The following BRDT variants were observed in gnomAD, a reference collection of about 807,000 sequenced individuals.
The protein encoded by BRDT is bromodomain testis associated, also known as bromodomain testis-specific protein.
In BRDT, 77 loss-of-function variants were observed where a neutral mutation model predicts 113.9. The ratio of observed to expected loss-of-function variants is 0.68; its 90% CI spans 0.56 to 0.82. BRDT has a LOEUF of 0.82. BRDT is among the 40% of genes least tolerant of loss of function. The pLI is 0.00. For synonymous variants in BRDT, 358 were observed against 366.5 expected, an observed-to-expected ratio of 0.98 and a Z score of 0.26; for missense variants, 1,027 against 1,105.4, an observed-to-expected ratio of 0.93 and a Z score of 1.01.
intron 15 of BRDT, among the ~76,000 whole-genome samples, chr1:91,998,284 C>T (rs137922041): frequency 0.067 from 10,165 of 152,072 alleles, 396 homozygotes; most frequent in African/African-American, 0.096. Context: ...CATGTTCTCA[C>T]TCATAAGTGG....
At chr1:92,003,604 T>A (rs1005973309) in intron 16 of BRDT, among the ~76,000 whole-genome samples, 2 of 152,196 alleles carry the variant, frequency 1.3e-5, no homozygotes, top group African/African-American at 4.8e-5. Context: ...TTAGATGTGT[T>A]TGGAACAGTT....
intron 14 of BRDT, among the ~76,000 whole-genome samples, chr1:91,993,447 T>C (rs948271256): frequency 1.2e-4 from 19 of 152,292 alleles, no homozygotes; most frequent in Middle Eastern, 3.4e-3. Context: ...AGATAAAAAT[T>C]ATACCTAACT....
intron 3 of BRDT, 136 bp downstream of exon 3, chr1:91,964,900 TG>T: frequency 2.9e-5 from 14 of 476,702 alleles, no homozygotes; most frequent in Non-Finnish European, 3.6e-5. Flanking sequence ...TGTGTGTGTG[TG>T]TGTATATAAT....
In BRDT at chr1:92,001,631, G is replaced by T. The variant is rs529627279; in HGVS notation, c.2288-418G>T. Among the ~76,000 whole-genome samples the T allele has an allele frequency of 8.5e-5, 13 of 152,242 alleles. No homozygotes were observed. In the South Asian group the frequency reaches 2.3e-3, roughly 27 times the overall value. ...GAATTGCTTGAACCTTGGAGGTGGA[G>T]GTTGCAGTGAGCCAAGATTGCACCA... On this transcript the variant is annotated intron_variant, in intron 15 of 18. Transcript: ENST00000399546.
At chr1:92,002,889 T>G (rs1295672114) in intron 16 of BRDT, among the ~76,000 whole-genome samples, 1 of 152,210 alleles carries the variant, frequency 6.6e-6, no homozygotes, top group Non-Finnish European at 1.5e-5. Context: ...TTAAGATACA[T>G]AAGGTACTGT....
intron 4 of BRDT, among the ~76,000 whole-genome samples, chr1:91,973,580 G>A (rs1370479706): frequency 6.6e-6 from 1 of 152,132 alleles, no homozygotes; most frequent in African/African-American, 2.4e-5. Context: ...TTGGCTGTTT[G>A]TCTGTTATTG....
chr1:91,989,633 T>G (rs1685590591), intron 12 of BRDT, among the ~76,000 whole-genome samples: 1 of 152,206 alleles, frequency 6.6e-6, no homozygotes, highest in African/African-American at 2.4e-5. Flanking sequence ...AGTGCTGGGA[T>G]TACAGGCATG....
In BRDT at chr1:91,962,737, G is replaced by T; in HGVS notation, c.-18G>T. On this transcript the variant is annotated 5_prime_UTR_variant, in exon 2 of 19. Transcript: ENST00000399546. ...TTTCAGGACATGTACTTGTAGACAG[G>T]ATTCAAAGCAGTTAAGAATGTCTCT... The T allele has an allele frequency of 3.2e-6, 5 of 1,556,360 alleles. No individual in the cohort carries two copies. Among genetic ancestry groups the T allele is most frequent in the Non-Finnish European group, 2.6e-6 (3 of 1,154,608 alleles).
rs773532667 is a variant in BRDT at position 92,002,073 on chromosome 1, G to C, written c.2312G>C (p.Gly771Ala). ...GGTGATTCTGAACAGCTCTCAAATGGCATAACTGTGATGCATCCATCTGGT... is the reference window on the plus strand; with the variant it reads ...GGTGATTCTGAACAGCTCTCAAATGCCATAACTGTGATGCATCCATCTGGT... ...PSGDSEQLSN[G>A]ITVMHPSGDS... The change falls in exon 16 of 19, where the codon GGC (glycine) becomes GCC (alanine). Residue 771 changes from glycine (G) to alanine (A), a missense_variant. Physicochemically the swap from Gly to Ala is moderately conservative, Grantham distance 60. Coordinates refer to ENST00000399546, the MANE Select transcript of BRDT (RefSeq NM_207189.4). The C allele has an allele frequency of 5.6e-6, 9 of 1,613,342 alleles. No individual in the cohort carries two copies. The highest frequency in any genetic ancestry group is 7.6e-6 in the Non-Finnish European group (9 of 1,179,518).
In BRDT at chr1:92,002,075, A is replaced by G; in HGVS notation, c.2314A>G (p.Ile772Val). 1 of 1,613,862 alleles carries G rather than the reference A, an allele frequency of 6.2e-7. No homozygotes were observed. The highest frequency in any genetic ancestry group is 8.5e-7 in the Non-Finnish European group (1 of 1,179,738). ...TGATTCTGAACAGCTCTCAAATGGCATAACTGTGATGCATCCATCTGGTGA... is the reference window on the plus strand; with the variant it reads ...TGATTCTGAACAGCTCTCAAATGGCGTAACTGTGATGCATCCATCTGGTGA... ...SGDSEQLSNG[I>V]TVMHPSGDSD... is the part of the protein sequence containing the mutation. Residue 772 changes from isoleucine to valine, a missense_variant, in exon 16 of 19, where the codon ATA becomes GTA. By Grantham distance (29) the Ile-to-Val change is conservative. Transcript: ENST00000399546.
At chr1:91,997,723 A>G (rs982718269) in intron 15 of BRDT, among the ~76,000 whole-genome samples, 1 of 152,244 alleles carries the variant, frequency 6.6e-6, no homozygotes, top group African/African-American at 2.4e-5. Flanking sequence ...TATATAAAGG[A>G]AAGTTTGGAT....
intron 4 of BRDT, among the ~76,000 whole-genome samples, chr1:91,968,608 T>C (rs1325760703): frequency 6.6e-6 from 1 of 152,130 alleles, no homozygotes; most frequent in Non-Finnish European, 1.5e-5. Context: ...GTGCTCTCTG[T>C]ATTAAAAAAA....
chr1:91,990,298 G>T (rs1208976651), intron 12 of BRDT, among the ~76,000 whole-genome samples: 3 of 152,156 alleles, frequency 2.0e-5, no homozygotes, highest in African/African-American at 2.4e-5. Context: ...CTGCCAAATA[G>T]CTTAGAAGTA....
At position 91,981,173 on chromosome 1, in the gene BRDT, C is replaced by A. The variant is rs778326743; in HGVS notation, c.1745C>A (p.Pro582His). The A allele has an allele frequency of 6.2e-7, 1 of 1,608,348 alleles. No individual in the cohort carries two copies. The highest frequency in any genetic ancestry group is 8.5e-7 in the Non-Finnish European group (1 of 1,178,164). The change falls in exon 10 of 19, where the codon CCT becomes CAT. Residue 582 changes from proline (P) to histidine (H), a missense_variant. Coordinates refer to ENST00000399546, the MANE Select transcript of BRDT (RefSeq NM_207189.4). ...TGTCTAAGAAAGAGACCATTAAAACCTCCTGGTATGTATTTCTGCATATTA... is the reference window on the plus strand; with the variant it reads ...TGTCTAAGAAAGAGACCATTAAAACATCCTGGTATGTATTTCTGCATATTA... Reference protein sequence around the residue: ...SACLRKRPLKPPAKKIMMSKE... With the variant: ...SACLRKRPLKHPAKKIMMSKE...
chr1:91,953,616 G>T (rs1005231508), intron 1 of BRDT, among the ~76,000 whole-genome samples: 1 of 152,160 alleles, frequency 6.6e-6, no homozygotes, highest in African/African-American at 2.4e-5. Context: ...GGAGGCAGAG[G>T]TTCCAGTGAG....
chr1:91,954,474 C>T (rs1260450545), intron 1 of BRDT, among the ~76,000 whole-genome samples: 1 of 151,954 alleles, frequency 6.6e-6, no homozygotes, highest in Non-Finnish European at 1.5e-5. Context: ...GACACAAGAT[C>T]TCACTCTGTT....
At chr1:91,952,421 C>T (rs1681196622) in intron 1 of BRDT, among the ~76,000 whole-genome samples, 2 of 152,058 alleles carry the variant, frequency 1.3e-5, no homozygotes. Context: ...GGCAGGTGCA[C>T]TGGCCAGAAA....
intron 12 of BRDT, among the ~76,000 whole-genome samples, chr1:91,990,954 C>T (rs892855734): frequency 3.9e-5 from 6 of 152,108 alleles, no homozygotes; most frequent in African/African-American, 1.2e-4. Flanking sequence ...TGTGCCACCA[C>T]ACCGTGCTAA....
chr1:91,971,915 C>T (rs1683664253), intron 4 of BRDT, among the ~76,000 whole-genome samples: 1 of 152,062 alleles, frequency 6.6e-6, no homozygotes, highest in Admixed American at 6.6e-5. Flanking sequence ...ATCTCTCCTC[C>T]TCTATGGGGT....
Sources: gnomAD v4.1 joint callset for allele counts (sites outside exome capture counted in the v4.1 genomes callset) on GRCh38, gnomAD v4.1.1 for gene constraint, MANE v1.5 for transcripts, NCBI Gene and HGNC (gene_info 2026-07-23, HGNC 2026-07-21) for gene names.